SEMA3E: variants seen among roughly 807,000 people sequenced by gnomAD.
SEMA3E encodes semaphorin-3E.
A neutral mutation model predicts 93.6 loss-of-function variants in SEMA3E; 49 were observed. The ratio of observed to expected loss-of-function variants is 0.52; its 90% confidence interval spans 0.42 to 0.66. SEMA3E has a LOEUF of 0.66. Among genes scored for constraint, SEMA3E ranks in the 30% least tolerant of loss-of-function variants. The pLI is 0.00. For missense variants in SEMA3E, 906 were observed against 964.8 expected, an observed-to-expected ratio of 0.94 and a Z score of 0.81; for synonymous variants, 363 against 330.7, an observed-to-expected ratio of 1.10 and a Z score of -1.06.
rs1792616155 is a variant in SEMA3E at position 83,585,876 on chromosome 7, A to G, written c.115+62552T>C. 2.6e-5 allele frequency among the ~76,000 whole-genome samples: 4 copies of G among 152,176 alleles called. No individual in the cohort carries two copies. In the South Asian group the frequency reaches 8.3e-4, roughly 32 times the overall value. On this transcript the variant is annotated intron_variant, in intron 1 of 16. Coordinates refer to ENST00000643230, the MANE Select transcript of SEMA3E (RefSeq NM_012431.3). ...ATGTTGCTTAACCTCTATGCATCTT[A>G]GTGCCCTCATTTGTAGTGGGACCTG...
At position 83,641,467 on chromosome 7, in the gene SEMA3E, A is replaced by G. The variant is rs1014050282; in HGVS notation, c.115+6961T>C. The G allele has an allele frequency of 9.5e-6, 7 of 736,308 alleles. No homozygotes were observed. The African/African-American group carries it at 1.3e-4, about 14-fold the overall frequency. 45.6% of individuals were successfully genotyped at this position (736,308 alleles called of 1,614,324 possible). A position where few individuals can be genotyped will look rare whatever the true frequency, so the allele number is the denominator to read the frequency against. ...AGTGTGGTCTGGCCTTAGTAATATT[A>G]GTTCTATTGTGCGTTACAAAGCTGG... On this transcript the variant is annotated intron_variant, in intron 1 of 16. Transcript: ENST00000643230.
chr7:83,381,980 A>T (rs1251380880), intron 16 of SEMA3E, among the ~76,000 whole-genome samples: 1 of 152,002 alleles, frequency 6.6e-6, no homozygotes, highest in Non-Finnish European at 1.5e-5. Context: ...TGCCTTTGTC[A>T]TTAAGCCTGC....
intron 1 of SEMA3E, among the ~76,000 whole-genome samples, chr7:83,624,528 G>A (rs1347622383): frequency 1.3e-5 from 2 of 152,142 alleles, no homozygotes; most frequent in Non-Finnish European, 2.9e-5. Context: ...CTTCTTTTGA[G>A]AAATGTCTGT....
At chr7:83,478,944 T>C (rs1286719011) in intron 2 of SEMA3E, among the ~76,000 whole-genome samples, 1 of 152,194 alleles carries the variant, frequency 6.6e-6, no homozygotes, top group Non-Finnish European at 1.5e-5. Flanking sequence ...TCCATCCATT[T>C]ATTCATCATG....
At chr7:83,459,572 T>G (rs2115851290) in intron 4 of SEMA3E, among the ~76,000 whole-genome samples, 1 of 152,344 alleles carries the variant, frequency 6.6e-6, no homozygotes, top group Admixed American at 6.5e-5. Context: ...ATCCTCTGCA[T>G]TGTTTCTTTA....
intron 4 of SEMA3E, among the ~76,000 whole-genome samples, chr7:83,448,178 T>C (rs1789274778): frequency 1.3e-5 from 2 of 152,234 alleles, no homozygotes. Flanking sequence ...CAAATTTAAC[T>C]CTAGGTACAT....
chr7:83,397,780 T>A (rs1788153816), intron 11 of SEMA3E, among the ~76,000 whole-genome samples: 1 of 152,192 alleles, frequency 6.6e-6, no homozygotes, highest in African/African-American at 2.4e-5. Context: ...GTTTCTATGC[T>A]ATTTCAGCAG....
intron 1 of SEMA3E, among the ~76,000 whole-genome samples, chr7:83,610,766 G>A (rs1793236094): frequency 6.6e-6 from 1 of 151,996 alleles, no homozygotes; most frequent in Non-Finnish European, 1.5e-5. Context: ...GAAATCACAG[G>A]GAGAAGGTCA....
chr7:83,378,045 A>C (rs1584202554), intron 16 of SEMA3E, among the ~76,000 whole-genome samples: 1 of 151,984 alleles, frequency 6.6e-6, no homozygotes, highest in Non-Finnish European at 1.5e-5. Context: ...ATTTGGCTAT[A>C]ATTTTAACAG....
chr7:83,518,000 C>T (rs1467307946), intron 1 of SEMA3E, among the ~76,000 whole-genome samples: 2 of 152,028 alleles, frequency 1.3e-5, no homozygotes, highest in Non-Finnish European at 2.9e-5. Context: ...GCTTAGAAAT[C>T]CCAAAACTGT....
At chr7:83,503,500 T>C (rs1409088007) in intron 1 of SEMA3E, among the ~76,000 whole-genome samples, 1 of 152,166 alleles carries the variant, frequency 6.6e-6, no homozygotes, top group Non-Finnish European at 1.5e-5. Flanking sequence ...CTAGGAGTTT[T>C]CTAGTACAGT....
chr7:83,450,033 G>A (rs1183845073), intron 4 of SEMA3E, among the ~76,000 whole-genome samples: 5 of 152,118 alleles, frequency 3.3e-5, no homozygotes, highest in African/African-American at 4.8e-5. Context: ...GCATATAAAA[G>A]GCACACAATT....
intron 4 of SEMA3E, among the ~76,000 whole-genome samples, chr7:83,461,257 T>C (rs191720302): frequency 1.6e-3 from 242 of 152,310 alleles, no homozygotes; most frequent in African/African-American, 5.3e-3. Flanking sequence ...CTCCCGCCTG[T>C]ACCCTCAGTA....
chr7:83,461,155 T>C (rs1163736633), intron 4 of SEMA3E, among the ~76,000 whole-genome samples: 1 of 152,216 alleles, frequency 6.6e-6, no homozygotes, highest in Non-Finnish European at 1.5e-5. Context: ...GCAAACGGTC[T>C]GAGGTGCCTG....
chr7:83,586,644 T>A (rs539692766), intron 1 of SEMA3E, among the ~76,000 whole-genome samples: 2 of 151,838 alleles, frequency 1.3e-5, no homozygotes, highest in East Asian at 3.9e-4. Flanking sequence ...GACTCTCTCT[T>A]TGAAGACCAA....
At chr7:83,524,195 A>C (rs1791107277) in intron 1 of SEMA3E, among the ~76,000 whole-genome samples, 1 of 152,138 alleles carries the variant, frequency 6.6e-6, no homozygotes, top group Admixed American at 6.6e-5. Context: ...TCCCTTAATA[A>C]GGAAGTCATA....
intron 4 of SEMA3E, among the ~76,000 whole-genome samples, chr7:83,427,390 A>T (rs2115730195): frequency 6.6e-6 from 1 of 152,246 alleles, no homozygotes; most frequent in Middle Eastern, 3.4e-3. Context: ...GCTACACATG[A>T]CAGGAAGATA....
At position 83,386,880 on chromosome 7, in the gene SEMA3E, T is replaced by C. The variant is rs1029905445; in HGVS notation, c.1735+103A>G. ...GAATACTTATTACATTGTTCTAGTATACATGAATCACAAAGAAAAAAAGGA... is the reference window on the plus strand; with the variant it reads ...GAATACTTATTACATTGTTCTAGTACACATGAATCACAAAGAAAAAAAGGA... On this transcript the variant is annotated intron_variant, in intron 15 of 16. Transcript: ENST00000643230. The C allele has an allele frequency of 3.9e-6, 4 of 1,028,334 alleles. No homozygotes were observed. The African/African-American group carries it at 4.8e-5, about 12-fold the overall frequency. The allele number at this position is 1,028,334 out of a possible 1,614,324, so 63.7% of individuals were successfully genotyped here. A position where few individuals can be genotyped will look rare whatever the true frequency, so the allele number is the denominator to read the frequency against.
At position 83,367,831 on chromosome 7, in the gene SEMA3E, GCATCCTGTGATGCCTGTCCTC is replaced by G; in HGVS notation, c.2062_2082del (p.Glu688_Met694del). ...GAGATGCTACTCTGAGCAGGACAAGGCATCCTGTGATGCCTGTCCTCCTCATCGTCCTTGTTAAACATATCC... is the reference window on the plus strand; with the variant it reads ...GAGATGCTACTCTGAGCAGGACAAGGCTCATCGTCCTTGTTAAACATATCC... On this transcript the variant is annotated inframe_deletion, in exon 17 of 17. Transcript: ENST00000643230. 2 of 1,613,874 alleles carry G rather than the reference GCATCCTGTGATGCCTGTCCTC, an allele frequency of 1.2e-6. No homozygotes were observed. Among genetic ancestry groups the G allele is most frequent in the Non-Finnish European group, 1.7e-6 (2 of 1,179,858 alleles).
Sources: allele counts gnomAD v4.1 joint callset (sites outside exome capture counted in the v4.1 genomes callset), GRCh38; gene constraint gnomAD v4.1.1; transcripts MANE v1.5; gene names NCBI Gene and HGNC (gene_info 2026-07-23, HGNC 2026-07-21).